ADAM28: variants seen among roughly 807,000 people sequenced by gnomAD.
ADAM28 encodes the protein disintegrin and metalloproteinase domain-containing protein 28.
A neutral mutation model predicts 101.2 loss-of-function variants in ADAM28; 105 were observed. That is an observed-to-expected ratio of 1.04 (90% CI 0.89 to 1.22). The LOEUF is 1.22. Ranked by LOEUF, ADAM28 falls within the 50% of genes most tolerant of loss-of-function variation. The pLI is 0.00. For synonymous variants in ADAM28, 322 were observed against 310.6 expected, an observed-to-expected ratio of 1.04 and a Z score of -0.39; for missense variants, 1,028 against 945.4, an observed-to-expected ratio of 1.09 and a Z score of -1.15.
intron 5 of ADAM28, 69 bp from the exon 6 acceptor site, chr8:24,313,319 T>A: frequency 7.2e-7 from 1 of 1,398,490 alleles, no homozygotes; most frequent in Admixed American, 2.5e-5. Context: ...CTCTTTTGGA[T>A]CTTATAAATC....
chr8:24,311,959 G>T (rs771951467), intron 5 of ADAM28, among the ~76,000 whole-genome samples: 1 of 151,838 alleles, frequency 6.6e-6, no homozygotes, highest in African/African-American at 2.4e-5. Context: ...GGTTGGTCTC[G>T]AACTCCTGAC....
At chr8:24,337,210 T>C (rs1332022582) in intron 14 of ADAM28, among the ~76,000 whole-genome samples, 1 of 152,186 alleles carries the variant, frequency 6.6e-6, no homozygotes, top group South Asian at 2.1e-4. Flanking sequence ...GAACCAGGCC[T>C]CAGCAATCTT....
chr8:24,350,879 T>TGGG, intron 19 of ADAM28, among the ~76,000 whole-genome samples: 1 of 149,396 alleles, frequency 6.7e-6, no homozygotes, highest in Non-Finnish European at 1.5e-5. Context: ...TTTTTTTTTT[T>TGGG]TTTTTTTTTT....
At chr8:24,343,228 A>G (rs779418287) in intron 17 of ADAM28, 47 bp downstream of exon 17, 2 of 1,583,274 alleles carry the variant, frequency 1.3e-6, no homozygotes, top group East Asian at 2.2e-5. Context: ...ATCTTATGAC[A>G]TTCTAGGTCA....
At chr8:24,345,815 C>T (rs550696437) in intron 18 of ADAM28, among the ~76,000 whole-genome samples, 8 of 152,130 alleles carry the variant, frequency 5.3e-5, no homozygotes, top group East Asian at 3.9e-4. Flanking sequence ...TACAACTTTA[C>T]GGTATATTAC....
chr8:24,343,277 G>C, intron 17 of ADAM28, 96 bp downstream of exon 17: 1 of 1,427,768 alleles, frequency 7.0e-7, no homozygotes, highest in Non-Finnish European at 9.7e-7. Context: ...AGCTTTAAAT[G>C]ATGATAATTA....
chr8:24,339,856 C>T (rs980801083), intron 15 of ADAM28, among the ~76,000 whole-genome samples: 1 of 152,072 alleles, frequency 6.6e-6, no homozygotes. Context: ...GAACATGCCA[C>T]AAAGAATGGG....
intron 4 of ADAM28, among the ~76,000 whole-genome samples, chr8:24,310,712 A>C (rs550921877): frequency 1.3e-5 from 2 of 152,228 alleles, no homozygotes; most frequent in East Asian, 3.9e-4. Context: ...GTCATGCACC[A>C]TTACCTCTTT....
Position 24,356,633 on chromosome 8 carries a change from T to A in ADAM28, c.*2229T>A, listed in dbSNP as rs930048716. The A allele has an allele frequency of 5.9e-5, 9 of 152,204 alleles. No homozygotes were observed. Among genetic ancestry groups the A allele is most frequent in the Non-Finnish European group, 8.8e-5 (6 of 68,030 alleles). The allele number at this position is 152,204 out of a possible 1,614,324, so 9.4% of individuals were successfully genotyped here. A position where few individuals can be genotyped will look rare whatever the true frequency, so the allele number is the denominator to read the frequency against. ...TAGAACAGACTTTTTGATTTCACAA[T>A]ACTGTTTCCACACTTACTTATATCC... On this transcript the variant is annotated 3_prime_UTR_variant, in exon 23 of 23. Transcript: ENST00000265769.
intron 6 of ADAM28, among the ~76,000 whole-genome samples, chr8:24,317,670 T>G (rs949779081): frequency 1.3e-5 from 2 of 151,736 alleles, no homozygotes; most frequent in African/African-American, 4.8e-5. Context: ...GTTATAAAAG[T>G]AAAATGTAAG....
chr8:24,351,462 A>G, intron 20 of ADAM28, 152 bp downstream of exon 20: 1 of 813,284 alleles, frequency 1.2e-6, no homozygotes, highest in Admixed American at 2.0e-5. Flanking sequence ...TAAAGGCAAA[A>G]GAGTCCCTAA....
chr8:24,333,316 T>C (rs1387943433), intron 13 of ADAM28, among the ~76,000 whole-genome samples: 3 of 152,148 alleles, frequency 2.0e-5, no homozygotes, highest in East Asian at 1.9e-4. Context: ...GAGTAGATTT[T>C]AAGTGTTCTC....
chr8:24,328,921 C>CAAAAAA (rs36091498), intron 10 of ADAM28, among the ~76,000 whole-genome samples: 1 of 135,512 alleles, frequency 7.4e-6, no homozygotes, highest in African/African-American at 2.7e-5. Context: ...GACACAGTCT[C>CAAAAAA]AAAAAAAAAA....
At chr8:24,312,403 C>A (rs1485418817) in intron 5 of ADAM28, among the ~76,000 whole-genome samples, 1 of 152,130 alleles carries the variant, frequency 6.6e-6, no homozygotes, top group Non-Finnish European at 1.5e-5. Context: ...TTTTCAATCC[C>A]TTACCAAGTC....
In ADAM28 at chr8:24,339,455, C is replaced by T. The variant is rs2129323673; in HGVS notation, c.1568-11C>T. 2 of 1,604,414 alleles carry T rather than the reference C, an allele frequency of 1.2e-6. No individual in the cohort carries two copies. The highest frequency in any genetic ancestry group is 1.3e-5 in the African/African-American group (1 of 74,726). Reference sequence around the variant, plus strand: ...TATTTTCTTTTCCCTGCTGACTGATCCTGGTCCCAGGAACTGAGGTTGCAG... The same window carrying T: ...TATTTTCTTTTCCCTGCTGACTGATTCTGGTCCCAGGAACTGAGGTTGCAG... On this transcript the variant is annotated splice_polypyrimidine_tract_variant and intron_variant, in intron 14 of 22. Transcript: ENST00000265769.
intron 19 of ADAM28, among the ~76,000 whole-genome samples, chr8:24,350,943 T>C (rs556060772): frequency 2.2e-4 from 34 of 151,510 alleles, no homozygotes; most frequent in African/African-American, 7.5e-4. Flanking sequence ...TAATATTGAG[T>C]AAGACATTAA....
intron 5 of ADAM28, 102 bp from the exon 6 acceptor site, chr8:24,313,286 A>T (rs906513666): frequency 8.9e-7 from 1 of 1,121,220 alleles, no homozygotes; most frequent in Non-Finnish European, 1.2e-6. Flanking sequence ...TGTTTTTGAC[A>T]TTGACTAGGA....
At chr8:24,307,932 T>G (rs959598257) in intron 2 of ADAM28, among the ~76,000 whole-genome samples, 3 of 152,214 alleles carry the variant, frequency 2.0e-5, no homozygotes, top group Non-Finnish European at 4.4e-5. Flanking sequence ...ACTGTTGTAT[T>G]ACTAGAATTA....
At position 24,326,619 on chromosome 8, in the gene ADAM28, C is replaced by G. The variant is rs1323840628; in HGVS notation, c.956C>G (p.Ser319Cys). Reference protein sequence around the residue: ...AFMSTMCSPYSVGVVQDHSDN... With the variant: ...AFMSTMCSPYCVGVVQDHSDN... ...ATGTCTACAATGTGTTCTCCTTATT[C>G]TGTTGGCGTTGTTCAGGTCTGTATG... is the stretch of plus-strand genomic sequence containing the variant. The change falls in exon 10 of 23, where the codon TCT becomes TGT. Residue 319 changes from serine to cysteine, a missense_variant. Transcript: ENST00000265769. 6.2e-7 allele frequency: 1 copy of G among 1,611,914 alleles called. No individual in the cohort carries two copies. Among genetic ancestry groups the G allele is most frequent in the Admixed American group, 1.7e-5 (1 of 59,850 alleles).
Sources: gnomAD v4.1 joint callset for allele counts (sites outside exome capture counted in the v4.1 genomes callset) on GRCh38, gnomAD v4.1.1 for gene constraint, MANE v1.5 for transcripts, NCBI Gene and HGNC (gene_info 2026-07-23, HGNC 2026-07-21) for gene names.